Variants in VPS13C observed in about 807,000 individuals in gnomAD.
The protein encoded by VPS13C is vacuolar protein sorting 13 homolog C.
A neutral mutation model predicts 456.8 loss-of-function variants in VPS13C; 358 were observed. The ratio of observed to expected loss-of-function variants is 0.78; its 90% CI spans 0.72 to 0.86. The LOEUF is 0.86. Ranked by LOEUF, VPS13C falls within the 40% of genes least tolerant of loss-of-function variation. VPS13C has a pLI of 0.00. For synonymous variants in VPS13C, 1,578 were observed against 1,486.7 expected (o/e 1.06, Z -1.41); for missense variants, 4,818 against 4,385.4 (o/e 1.10, Z -2.79).
At chr15:61,917,747 T>G in intron 59 of VPS13C, 112 bp from the exon 60 acceptor site, 1 of 1,177,190 alleles carries the variant, frequency 8.5e-7, no homozygotes, top group South Asian at 1.7e-5. Context: ...TTCCTGTTTT[T>G]ACAGATATAC....
intron 66 of VPS13C, among the ~76,000 whole-genome samples, chr15:61,902,713 A>G (rs1407352341): frequency 6.6e-6 from 1 of 152,204 alleles, no homozygotes; most frequent in Non-Finnish European, 1.5e-5. Flanking sequence ...GATAAAGGCT[A>G]TATATAACAA....
chr15:61,917,689 A>T lies in VPS13C; in HGVS notation c.7761-54T>A, dbSNP rs2043517563. On this transcript the variant is annotated intron_variant, in intron 59 of 84. Transcript: ENST00000644861. ...AGTTTTGATCCACAACTTAAAAAAA[A>T]GCATCTCATTAAATCTTCCTGACAA... 3.2e-6 allele frequency: 5 copies of T among 1,552,276 alleles called. 1 individual carries two copies. In the South Asian group the frequency reaches 4.9e-5, roughly 15 times the overall value.
intron 49 of VPS13C, among the ~76,000 whole-genome samples, chr15:61,931,705 T>C (rs1053634233): frequency 6.6e-6 from 1 of 151,406 alleles, no homozygotes; most frequent in Non-Finnish European, 1.5e-5. Context: ...GCCTCCCGAG[T>C]AGCTGGGATT....
intron 81 of VPS13C, 100 bp from the exon 82 acceptor site, chr15:61,863,628 A>C: frequency 1.5e-6 from 1 of 689,168 alleles, no homozygotes. Context: ...TTAGGAAAAA[A>C]TTAATTAGAA....
rs1408395835 is a variant in VPS13C at position 61,909,232 on chromosome 15, C to CA, written c.8845-108dup. On this transcript the variant is annotated intron_variant, in intron 64 of 84. Coordinates refer to ENST00000644861, the MANE Select transcript of VPS13C (RefSeq NM_020821.3). The stretch of plus-strand genomic sequence containing the variant: ...ACAAAAGCTTTGGTTTTTTTCGAGA[C>CA]AGAGTCTTGCTGTCACCCAGGCTGG... 4.3e-6 allele frequency: 6 copies of CA among 1,398,406 alleles called. No individual in the cohort carries two copies. The East Asian group carries it at 1.4e-4, about 33-fold the overall frequency. The allele number at this position is 1,398,406 out of a possible 1,614,324, so 86.6% of individuals were successfully genotyped here.
At position 61,922,679 on chromosome 15, in the gene VPS13C, C is replaced by T. The variant is rs367708347; in HGVS notation, c.6693G>A (p.Thr2231=). 122 of 1,613,812 alleles carry T rather than the reference C, an allele frequency of 7.6e-5. No homozygotes were observed. Among genetic ancestry groups the T allele is most frequent in the Non-Finnish European group, 8.9e-5 (105 of 1,179,928 alleles). The change falls in exon 54 of 85, where the codon ACG becomes ACA. Residue 2231 remains threonine, a synonymous_variant. Transcript: ENST00000644861. ...PKTKEDGSKD[T]SKEMENLWGI... ...CCCAAAGATTTTCCATTTCCTTAGACGTATCTTTGGATCCATCTTCTTTTG... is the reference window on the plus strand; with the variant it reads ...CCCAAAGATTTTCCATTTCCTTAGATGTATCTTTGGATCCATCTTCTTTTG...
At chr15:61,855,320 T>C (rs553569347) in intron 83 of VPS13C, among the ~76,000 whole-genome samples, 37 of 152,154 alleles carry the variant, frequency 2.4e-4, no homozygotes, top group Non-Finnish European at 4.1e-4. Flanking sequence ...TAAAATACAC[T>C]GAGTCAATTC....
chr15:61,889,812 C>T (rs946362017), intron 67 of VPS13C, among the ~76,000 whole-genome samples: 2 of 152,122 alleles, frequency 1.3e-5, no homozygotes, highest in African/African-American at 4.8e-5. Context: ...TGTACTTCCA[C>T]TGTGCATGTA....
At chr15:61,881,878 T>A in intron 69 of VPS13C, 50 bp from the exon 70 acceptor site, 1 of 1,503,296 alleles carries the variant, frequency 6.7e-7, no homozygotes, top group Non-Finnish European at 8.9e-7. Context: ...ATTTAAACTT[T>A]TAGTTTCAAA....
intron 47 of VPS13C, 101 bp from the exon 48 acceptor site, chr15:61,936,851 A>C: frequency 8.2e-7 from 1 of 1,221,392 alleles, no homozygotes; most frequent in South Asian, 1.6e-5. Flanking sequence ...TTGTTCACCT[A>C]CTTAAAAAGA....
At position 62,001,591 on chromosome 15, in the gene VPS13C, C is replaced by T. The variant is rs149847434; in HGVS notation, c.1291-965G>A. On this transcript the variant is annotated intron_variant, in intron 15 of 84. Transcript: ENST00000644861. ...CGTGCAGGTTAGTTACATATGTATA[C>T]ATGTGCCATGCTGGTGCGCTGCACC... is the stretch of plus-strand genomic sequence containing the variant. Among the ~76,000 whole-genome samples, 872 of 152,118 alleles carry T rather than the reference C, an allele frequency of 5.7e-3. 5 individuals carry two copies. The highest frequency in any genetic ancestry group is 6.5e-3 in the Non-Finnish European group (443 of 68,020).
In VPS13C at chr15:61,929,546, T is replaced by C; in HGVS notation, c.6241A>G (p.Ile2081Val). 1.2e-6 allele frequency: 2 copies of C among 1,614,128 alleles called. No individual in the cohort carries two copies. Among genetic ancestry groups the C allele is most frequent in the Non-Finnish European group, 1.7e-6 (2 of 1,179,998 alleles). The change falls in exon 51 of 85, where the codon ATT becomes GTT. Residue 2081 changes from isoleucine to valine, a missense_variant. Physicochemically the swap from Ile to Val is conservative, Grantham distance 29. Around this residue, in one of 3 missense-constraint regions of VPS13C, gnomAD observed 4,552 missense variants for 4,130.6 expected, o/e 1.10. Coordinates refer to ENST00000644861, the MANE Select transcript of VPS13C (RefSeq NM_020821.3). ...SPENVAKETQ[I>V]LPRQTATGKV... Reference sequence around the variant, plus strand: ...CCTGTGGCAGTCTGTCTTGGTAAAATCTGTGTTTCTTTTGCCACATTTTCT... The same window carrying C: ...CCTGTGGCAGTCTGTCTTGGTAAAACCTGTGTTTCTTTTGCCACATTTTCT...
At chr15:62,012,210 A>C in intron 11 of VPS13C, 46 bp from the exon 12 acceptor site, 1 of 1,042,436 alleles carries the variant, frequency 9.6e-7, no homozygotes, top group Non-Finnish European at 1.5e-6. Context: ...ATGCACACAT[A>C]TTCAGACTCA....
In VPS13C at chr15:62,013,093, G is replaced by A; in HGVS notation, c.771C>T (p.Ala257=). Residue 257 remains alanine, a synonymous_variant, in exon 11 of 85, where the codon GCC becomes GCT. Coordinates refer to ENST00000644861, the MANE Select transcript of VPS13C (RefSeq NM_020821.3). ...ACATGCTGCAATTTACATTCCAGTAGGCGCTAAGACTATCAAGTCGTATAA... is the reference window on the plus strand; with the variant it reads ...ACATGCTGCAATTTACATTCCAGTAAGCGCTAAGACTATCAAGTCGTATAA... ...YKLIRLDSLS[A]YWNVNCSMSY... 6.2e-7 allele frequency: 1 copy of A among 1,610,544 alleles called. No individual in the cohort carries two copies. The highest frequency in any genetic ancestry group is 8.5e-7 in the Non-Finnish European group (1 of 1,178,146).
chr15:61,905,081 T>C (rs1190367096), intron 66 of VPS13C, among the ~76,000 whole-genome samples: 3 of 152,136 alleles, frequency 2.0e-5, no homozygotes, highest in Non-Finnish European at 2.9e-5. Flanking sequence ...AGGGTTACTA[T>C]AGTTAACAAT....
chr15:61,868,854 T>A, intron 80 of VPS13C, 81 bp from the exon 81 acceptor site: 1 of 1,115,452 alleles, frequency 9.0e-7, no homozygotes, highest in Admixed American at 3.1e-5. Flanking sequence ...AATACATAAA[T>A]ATTTCACAAA....
At chr15:62,019,459 A>G (rs2047377795) in intron 9 of VPS13C, among the ~76,000 whole-genome samples, 2 of 151,464 alleles carry the variant, frequency 1.3e-5, no homozygotes, top group South Asian at 4.2e-4. Flanking sequence ...CACTGCTTTT[A>G]ATGTGTCCCA....
At chr15:62,034,815 T>C (rs2047933689) in intron 4 of VPS13C, 142 bp downstream of exon 4, 1 of 485,092 alleles carries the variant, frequency 2.1e-6, no homozygotes. Flanking sequence ...TATAAAAGTA[T>C]GCATATAAGT....
intron 82 of VPS13C, among the ~76,000 whole-genome samples, chr15:61,860,566 G>C (rs1397225032): frequency 6.6e-6 from 1 of 152,154 alleles, no homozygotes; most frequent in Non-Finnish European, 1.5e-5. Context: ...ATGTCCAATA[G>C]TGAGGGAGTA....
Sources: allele counts gnomAD v4.1 joint callset (sites outside exome capture counted in the v4.1 genomes callset), GRCh38; gene constraint gnomAD v4.1.1; regional missense constraint gnomAD v4.1.1; transcripts MANE v1.5; gene names NCBI Gene and HGNC (gene_info 2026-07-23, HGNC 2026-07-21).